BTBD7: variants seen among roughly 807,000 people sequenced by gnomAD.
BTBD7 encodes BTB domain containing 7.
A neutral mutation model predicts 99.9 loss-of-function variants in BTBD7; 38 were observed. The observed-to-expected ratio is 0.38, with a 90% confidence interval of 0.29 to 0.50. BTBD7 has a LOEUF of 0.50. Among genes scored for constraint, BTBD7 ranks in the 20% least tolerant of loss-of-function variants. BTBD7 has a pLI of 0.93. For missense variants in BTBD7, 1,170 were observed against 1,394.6 expected, an observed-to-expected ratio of 0.84 and a Z score of 2.57; for synonymous variants, 520 against 511.4, an observed-to-expected ratio of 1.02 and a Z score of -0.23.
chr14:93,277,145 G>A (rs1313470275), intron 3 of BTBD7, among the ~76,000 whole-genome samples: 1 of 151,990 alleles, frequency 6.6e-6, no homozygotes, highest in Admixed American at 6.6e-5. Flanking sequence ...CAGGTGATCC[G>A]CCCACCTTGG....
intron 10 of BTBD7, among the ~76,000 whole-genome samples, chr14:93,245,475 T>C (rs1414355955): frequency 6.6e-6 from 1 of 152,248 alleles, no homozygotes; most frequent in Non-Finnish European, 1.5e-5. Flanking sequence ...TACAGAATAG[T>C]AGAAGTTAGG....
intron 6 of BTBD7, among the ~76,000 whole-genome samples, chr14:93,255,196 A>G (rs2052415648): frequency 6.6e-6 from 1 of 151,998 alleles, no homozygotes; most frequent in Admixed American, 6.6e-5. Flanking sequence ...CCCAGGCTGG[A>G]GGGCAATGGC....
chr14:93,270,351 C>T (rs1469951604), intron 3 of BTBD7, among the ~76,000 whole-genome samples: 1 of 152,128 alleles, frequency 6.6e-6, no homozygotes, highest in Non-Finnish European at 1.5e-5. Flanking sequence ...CCGCCTCAGC[C>T]TCCCAAAGTG....
intron 8 of BTBD7, 73 bp downstream of exon 8, chr14:93,251,390 G>C: frequency 6.9e-7 from 1 of 1,443,218 alleles, no homozygotes; most frequent in Non-Finnish European, 9.4e-7. Flanking sequence ...ATACAGAGAG[G>C]CTCAAACATC....
intron 1 of BTBD7, among the ~76,000 whole-genome samples, chr14:93,324,771 G>A (rs922450756): frequency 6.6e-6 from 1 of 152,220 alleles, no homozygotes; most frequent in Admixed American, 6.5e-5. Flanking sequence ...GAAATGCCAT[G>A]ATTTGACTGG....
intron 1 of BTBD7, among the ~76,000 whole-genome samples, chr14:93,328,472 A>C (rs975538646): frequency 1.3e-5 from 2 of 152,166 alleles, no homozygotes; most frequent in African/African-American, 4.8e-5. Context: ...GTGGTCGAAT[A>C]ATTTTCAACA....
chr14:93,263,229 T>C (rs1267322910), intron 4 of BTBD7, among the ~76,000 whole-genome samples: 1 of 152,234 alleles, frequency 6.6e-6, no homozygotes, highest in Admixed American at 6.5e-5. Flanking sequence ...CTATTATTAA[T>C]GTAAATTTCC....
chr14:93,268,602 T>A (rs1336232318), intron 3 of BTBD7, among the ~76,000 whole-genome samples: 1 of 152,082 alleles, frequency 6.6e-6, no homozygotes, highest in Non-Finnish European at 1.5e-5. Flanking sequence ...ATTATTATCA[T>A]CCCCATTTTA....
At chr14:93,253,571 G>A (rs2052392048) in intron 7 of BTBD7, 76 bp downstream of exon 7, 1 of 1,312,144 alleles carries the variant, frequency 7.6e-7, no homozygotes. Context: ...AAATATTTAA[G>A]TAATACTACA....
chr14:93,252,144 T>C (rs2052375299), intron 7 of BTBD7, among the ~76,000 whole-genome samples: 1 of 152,030 alleles, frequency 6.6e-6, no homozygotes, highest in Non-Finnish European at 1.5e-5. Flanking sequence ...ACCCCATCTC[T>C]ACTAAACATG....
intron 1 of BTBD7, among the ~76,000 whole-genome samples, chr14:93,299,401 C>T (rs1218474713): frequency 6.6e-6 from 1 of 152,204 alleles, no homozygotes; most frequent in Non-Finnish European, 1.5e-5. Context: ...GATGTGTTCT[C>T]TCCAGGCAAG....
chr14:93,249,788 G>C (rs1404274008), intron 8 of BTBD7, among the ~76,000 whole-genome samples: 1 of 145,250 alleles, frequency 6.9e-6, no homozygotes, highest in African/African-American at 2.8e-5. Flanking sequence ...AGAATTTTGA[G>C]TAAGATGAGA....
chr14:93,245,125 G>T (rs544429692), intron 10 of BTBD7, among the ~76,000 whole-genome samples: 1 of 147,904 alleles, frequency 6.8e-6, no homozygotes, highest in Non-Finnish European at 1.5e-5. Flanking sequence ...GCCTCCTAAA[G>T]TGTTGGGATT....
chr14:93,318,465 T>C (rs888165636), intron 1 of BTBD7, among the ~76,000 whole-genome samples: 2 of 152,228 alleles, frequency 1.3e-5, no homozygotes, highest in African/African-American at 4.8e-5. Context: ...TACTTCACAA[T>C]AAAATGTTTT....
At chr14:93,319,431 T>G (rs1441942366) in intron 1 of BTBD7, among the ~76,000 whole-genome samples, 3 of 152,218 alleles carry the variant, frequency 2.0e-5, no homozygotes, top group African/African-American at 7.2e-5. Context: ...AATGGAATAC[T>G]ATTTGGCCTC....
At chr14:93,332,161 A>C (rs1307537462) in intron 1 of BTBD7, 1 of 152,214 alleles carries the variant, frequency 6.6e-6, no homozygotes, top group African/African-American at 2.4e-5. Context: ...CACTGTGCAA[A>C]TAAGGTACTG....
At position 93,295,857 on chromosome 14, in the gene BTBD7, C is replaced by T. The variant is rs146979754; in HGVS notation, c.82+113G>A. On this transcript the variant is annotated intron_variant, in intron 2 of 10. Transcript: ENST00000334746. ...GTTGGGGGAAAAAACCTAGATGCTGCAGAATTATTATAATAACTACAGCTC... is the reference window on the plus strand; with the variant it reads ...GTTGGGGGAAAAAACCTAGATGCTGTAGAATTATTATAATAACTACAGCTC... 2.4e-4 allele frequency: 228 copies of T among 960,190 alleles called. No homozygotes were observed. The African/African-American group carries it at 3.0e-3, about 13-fold the overall frequency. 59.5% of individuals were successfully genotyped at this position (960,190 alleles called of 1,614,324 possible).
intron 3 of BTBD7, among the ~76,000 whole-genome samples, chr14:93,277,804 G>A (rs1046644837): frequency 9.2e-5 from 14 of 152,168 alleles, no homozygotes; most frequent in Admixed American, 2.0e-4. Context: ...AAGGGGGAAG[G>A]GAGGGAGCGT....
At chr14:93,246,341 G>A in intron 9 of BTBD7, 55 bp from the exon 10 acceptor site, 5 of 1,450,888 alleles carry the variant, frequency 3.4e-6, no homozygotes, top group Non-Finnish European at 3.6e-6. Context: ...TTTCATAAGT[G>A]GAAATTTATA....
Sources: gnomAD v4.1 joint callset for allele counts (sites outside exome capture counted in the v4.1 genomes callset) on GRCh38, gnomAD v4.1.1 for gene constraint, MANE v1.5 for transcripts, NCBI Gene and HGNC (gene_info 2026-07-23, HGNC 2026-07-21) for gene names.